Variants in GNG7 observed in about 807,000 individuals in gnomAD.
GNG7 encodes guanine nucleotide-binding protein G(I)/G(S)/G(O) subunit gamma-7.
GNG7 carries 1 observed loss-of-function variant against 4.0 expected under a neutral mutation model. That is an observed-to-expected ratio of 0.25 (90% CI 0.09 to 1.18). The LOEUF (loss-of-function observed/expected upper bound fraction) is 1.18. Among genes scored for constraint, GNG7 ranks in the 50% most tolerant of loss-of-function variants. The pLI is 0.50. For synonymous variants in GNG7, 34 were observed against 36.9 expected (o/e 0.92, Z 0.29); for missense variants, 86 against 91.9 (o/e 0.94, Z 0.26).
At chr19:2,567,891 C>G (rs34867917) in intron 2 of GNG7, among the ~76,000 whole-genome samples, 2,519 of 152,106 alleles carry the variant, frequency 0.017, 64 homozygotes, top group African/African-American at 0.058. Flanking sequence ...GGGCACCACG[C>G]GCTCAGGCAT....
chr19:2,688,868 C>T (rs1913066532), intron 1 of GNG7, among the ~76,000 whole-genome samples: 1 of 152,010 alleles, frequency 6.6e-6, no homozygotes, highest in Non-Finnish European at 1.5e-5. Context: ...GAGTTCGAGA[C>T]CAGCCTAGGC....
At chr19:2,585,863 G>T (rs1980656948) in intron 2 of GNG7, among the ~76,000 whole-genome samples, 1 of 152,062 alleles carries the variant, frequency 6.6e-6, no homozygotes. Flanking sequence ...ACCACGCCCG[G>T]CTATTTTTTT....
intron 2 of GNG7, chr19:2,643,714 CAGTT>C: frequency 2.2e-6 from 1 of 446,916 alleles, no homozygotes; most frequent in African/African-American, 2.0e-5. Flanking sequence ...CACTGGGGTG[CAGTT>C]ACACACCCTG....
chr19:2,696,347 A>AG (rs1555705090), intron 1 of GNG7, among the ~76,000 whole-genome samples: 1 of 119,222 alleles, frequency 8.4e-6, no homozygotes, highest in African/African-American at 3.2e-5. Flanking sequence ...AGAAAGAAAG[A>AG]AAAGAAAGAA....
At chr19:2,696,334 GAAA>G (rs1913257616) in intron 1 of GNG7, among the ~76,000 whole-genome samples, 1 of 133,954 alleles carries the variant, frequency 7.5e-6, no homozygotes, top group African/African-American at 2.9e-5. Flanking sequence ...AAGAAAGAAA[GAAA>G]GAAAGAAAGA....
intron 2 of GNG7, among the ~76,000 whole-genome samples, chr19:2,567,143 CAAAAAAAAAA>C (rs1231987195): frequency 7.7e-6 from 1 of 130,046 alleles, no homozygotes; most frequent in African/African-American, 2.7e-5. Flanking sequence ...AAAAAAAAAA[CAAAAAAAAAA>C]ACACAAAAAC....
chr19:2,632,829 ATAAT>A (rs1982198778), intron 2 of GNG7: 1 of 152,256 alleles, frequency 6.6e-6, no homozygotes, highest in Non-Finnish European at 1.5e-5. Flanking sequence ...TCCGATAAAA[ATAAT>A]AAATAAGTAA....
In GNG7 at chr19:2,568,282, TACAC is replaced by T. The variant is rs1162347684; in HGVS notation, c.-77-13098_-77-13095del. Among the ~76,000 whole-genome samples the T allele has an allele frequency of 2.1e-4, 20 of 96,346 alleles. No homozygotes were observed. The South Asian group carries it at 6.4e-3, about 31-fold the overall frequency. The allele number at this position is 96,346 out of a possible 152,430, so 63.2% of individuals were successfully genotyped here. Reference sequence around the variant, plus strand: ...ACACATATAGAGACACATATAGACTTACACACATATACACACGCACACACATACA... The same window carrying T: ...ACACATATAGAGACACATATAGACTTACATATACACACGCACACACATACA... On this transcript the variant is annotated intron_variant, in intron 2 of 4. Coordinates refer to ENST00000382159, the MANE Select transcript of GNG7 (RefSeq NM_052847.3).
intron 2 of GNG7, among the ~76,000 whole-genome samples, chr19:2,621,824 A>G (rs1337987357): frequency 1.3e-5 from 2 of 152,178 alleles, no homozygotes; most frequent in Non-Finnish European, 2.9e-5. Flanking sequence ...CCCAGAAGCC[A>G]GAGGACGCGG....
intron 2 of GNG7, among the ~76,000 whole-genome samples, chr19:2,624,547 GAAAAAGAA>G (rs1433303968): frequency 1.4e-5 from 2 of 144,436 alleles, no homozygotes; most frequent in Non-Finnish European, 3.0e-5. Context: ...AAAAAAAAAA[GAAAAAGAA>G]AAAAAGAAAA....
rs576755199 is a variant in GNG7, at chr19:2,520,790, G to A, written c.-37-65C>T. On this transcript the variant is annotated intron_variant, in intron 3 of 4. Coordinates refer to ENST00000382159, the MANE Select transcript of GNG7 (RefSeq NM_052847.3). Reference sequence around the variant, plus strand: ...CAGGCCTCTGGGTGGCAGCAGGGGCGCCCGGCCTTGGCTCAACCTTCCCGA... The same window carrying A: ...CAGGCCTCTGGGTGGCAGCAGGGGCACCCGGCCTTGGCTCAACCTTCCCGA... 4.4e-4 allele frequency: 322 copies of A among 727,244 alleles called. 6 individuals carry two copies. Among genetic ancestry groups the A allele is most frequent in the South Asian group, 4.3e-3 (263 of 61,402 alleles). The allele number at this position is 727,244 out of a possible 1,614,324, so 45.0% of individuals were successfully genotyped here.
chr19:2,653,607 G>T lies in GNG7; in HGVS notation c.-134-7327C>A, dbSNP rs568325920. 6.6e-6 allele frequency among the ~76,000 whole-genome samples: 1 copy of T among 152,330 alleles called. No homozygotes were observed. Among genetic ancestry groups the T allele is most frequent in the South Asian group, 2.1e-4 (1 of 4,834 alleles). ...CTCGGCACTGTGGGCATTGGGGCCGGATCATTCTCTGGGGTGGGGCTGTCC... is the reference window on the plus strand; with the variant it reads ...CTCGGCACTGTGGGCATTGGGGCCGTATCATTCTCTGGGGTGGGGCTGTCC... On this transcript the variant is annotated intron_variant, in intron 1 of 4. Transcript: ENST00000382159. This position sits in a 1 kb window ranked among gnomAD's most constrained non-coding sequence, Gnocchi z 4.8.
At chr19:2,578,872 G>A (rs999805148) in intron 2 of GNG7, among the ~76,000 whole-genome samples, 2 of 152,224 alleles carry the variant, frequency 1.3e-5, no homozygotes, top group African/African-American at 4.8e-5. Context: ...GGTGGATCGG[G>A]GCCTCAAACC....
chr19:2,684,316 T>C (rs1024954213), intron 1 of GNG7, among the ~76,000 whole-genome samples: 5 of 151,740 alleles, frequency 3.3e-5, no homozygotes, highest in Non-Finnish European at 5.9e-5. Flanking sequence ...TTTGTATTTT[T>C]AGTAGAGACG....
rs1038836716 is a variant in GNG7, at chr19:2,614,180, G to A, written c.-78+32044C>T. 1.3e-5 allele frequency among the ~76,000 whole-genome samples: 2 copies of A among 152,136 alleles called. No homozygotes were observed. Among genetic ancestry groups the A allele is most frequent in the Non-Finnish European group, 2.9e-5 (2 of 68,012 alleles). ...GAGGCTCGAGAGGTCCCAGGAGGGC[G>A]GGAAGAGAGTTCCCCCAGCTACAGC... On this transcript the variant is annotated intron_variant, in intron 2 of 4. Coordinates refer to ENST00000382159, the MANE Select transcript of GNG7 (RefSeq NM_052847.3). This position sits in a 1 kb window ranked among gnomAD's most constrained non-coding sequence, Gnocchi z 6.0.
At chr19:2,594,546 G>C (rs1175051972) in intron 2 of GNG7, among the ~76,000 whole-genome samples, 1 of 152,204 alleles carries the variant, frequency 6.6e-6, no homozygotes, top group Admixed American at 6.6e-5. Context: ...TCTGAGTGTC[G>C]TCACCTCCTG....
At chr19:2,596,966 T>A (rs1981040448) in intron 2 of GNG7, among the ~76,000 whole-genome samples, 1 of 151,556 alleles carries the variant, frequency 6.6e-6, no homozygotes, top group South Asian at 2.1e-4. Flanking sequence ...TATTGAAATT[T>A]CACAGGTATA....
intron 2 of GNG7, among the ~76,000 whole-genome samples, chr19:2,555,752 A>T (rs980340695): frequency 1.3e-5 from 2 of 152,022 alleles, no homozygotes; most frequent in African/African-American, 4.8e-5. Context: ...GGAAGGAAAG[A>T]ACGTCTCCAG....
intron 2 of GNG7, among the ~76,000 whole-genome samples, chr19:2,575,564 GGC>G (rs1204396743): frequency 3.8e-5 from 3 of 79,626 alleles, no homozygotes; most frequent in Admixed American, 1.3e-4. Context: ...GACACACGCA[GGC>G]ACACGCAGAC....
Sources: gnomAD v4.1 joint callset for allele counts (sites outside exome capture counted in the v4.1 genomes callset) on GRCh38, gnomAD v4.1.1 for gene constraint, Gnocchi (gnomAD v3.1) non-coding constraint, MANE v1.5 for transcripts, NCBI Gene and HGNC (gene_info 2026-07-23, HGNC 2026-07-21) for gene names.